Variants in DMD observed in about 807,000 individuals in gnomAD.
DMD encodes the protein dystrophin, also known as mutant dystrophin.
Under a neutral mutation model 330.1 loss-of-function variants are expected in DMD, and 63 were observed. The observed-to-expected ratio is 0.19, with a 90% confidence interval of 0.16 to 0.24. The LOEUF (loss-of-function observed/expected upper bound fraction) is 0.24. DMD is among the 10% of genes least tolerant of loss of function. The pLI is 1.00. For missense variants in DMD, 3,344 were observed against 2,684.1 expected, an observed-to-expected ratio of 1.25 and a Z score of -5.43; for synonymous variants, 1,223 against 959.8, an observed-to-expected ratio of 1.27 and a Z score of -5.07.
chrX:33,010,020 A>G lies in DMD; in HGVS notation c.93+10119T>C, dbSNP rs200874596. ...CACGTATGTATGTGTATATACACAT[A>G]TGTGTGTACATGTGTATATACACAT... On this transcript the variant is annotated intron_variant, in intron 2 of 78. Coordinates refer to ENST00000357033, the MANE Select transcript of DMD (RefSeq NM_004006.3). Among the ~76,000 whole-genome samples the G allele has an allele frequency of 6.2e-4, 32 of 51,313 alleles. 5 individuals carry two copies. Among genetic ancestry groups the G allele is most frequent in the African/African-American group, 3.2e-3 (28 of 8,860 alleles). 44.6% of individuals were successfully genotyped at this position (51,313 alleles called of 115,157 possible).
chrX:32,914,638 C>T (rs959691765), intron 2 of DMD, among the ~76,000 whole-genome samples: 1 of 112,005 alleles, frequency 8.9e-6, no homozygotes, highest in East Asian at 2.8e-4. Context: ...ACACAATAAA[C>T]GAAAAATCTT....
intron 17 of DMD, among the ~76,000 whole-genome samples, chrX:32,540,087 CT>C (rs886228035): frequency 2.7e-5 from 3 of 111,568 alleles, no homozygotes; most frequent in African/African-American, 9.8e-5. Context: ...TAAATTAAAG[CT>C]TTTTTTAAAA....
chrX:31,690,043 C>T, intron 52 of DMD, among the ~76,000 whole-genome samples: 1 of 111,926 alleles, frequency 8.9e-6, no homozygotes, highest in Middle Eastern at 4.6e-3. Flanking sequence ...CAATACCATT[C>T]AGGACGTAGG....
intron 30 of DMD, among the ~76,000 whole-genome samples, chrX:32,397,697 C>T (rs1223581182): frequency 6.3e-5 from 7 of 111,360 alleles, no homozygotes; most frequent in African/African-American, 2.0e-4. Flanking sequence ...ACATTAATCA[C>T]ATTTTAAATA....
At chrX:33,013,813 ATATG>A (rs1284064735) in intron 2 of DMD, among the ~76,000 whole-genome samples, 1 of 85,969 alleles carries the variant, frequency 1.2e-5, no homozygotes, top group Non-Finnish European at 2.5e-5. Flanking sequence ...GGGTGTGTGT[ATATG>A]TATGTGTGTG....
At chrX:32,988,726 T>C (rs1206297547) in intron 2 of DMD, among the ~76,000 whole-genome samples, 1 of 112,158 alleles carries the variant, frequency 8.9e-6, no homozygotes. Flanking sequence ...CATTAAGAAT[T>C]TTAATCAATT....
chrX:31,934,581 A>G (rs1482737957), intron 45 of DMD, among the ~76,000 whole-genome samples: 1 of 111,745 alleles, frequency 8.9e-6, no homozygotes, highest in Non-Finnish European at 1.9e-5. Context: ...CATTCCTGGG[A>G]CACTGGGAGC....
At chrX:31,546,830 T>C (rs1230683482) in intron 55 of DMD, among the ~76,000 whole-genome samples, 1 of 112,278 alleles carries the variant, frequency 8.9e-6, no homozygotes, top group African/African-American at 3.2e-5. Flanking sequence ...CTGGTCTTAT[T>C]AATCTTCATA....
At chrX:32,374,491 G>T (rs2097893412) in intron 34 of DMD, among the ~76,000 whole-genome samples, 2 of 111,369 alleles carry the variant, frequency 1.8e-5, no homozygotes, top group South Asian at 3.7e-4. Context: ...TATGGTGAAA[G>T]GTAGGGGTCC....
intron 47 of DMD, 114 bp downstream of exon 47, chrX:31,929,479 AAAC>A (rs1318292372): frequency 1.1e-6 from 1 of 915,953 alleles, no homozygotes; most frequent in African/African-American, 1.9e-5. Context: ...AAACAAAACA[AAAC>A]AACAATCCAC....
intron 51 of DMD, among the ~76,000 whole-genome samples, chrX:31,737,165 C>T (rs190451929): frequency 9.0e-5 from 10 of 111,552 alleles, no homozygotes; most frequent in African/African-American, 3.2e-4. Context: ...AGTGGCAGAA[C>T]TTCTAACATA....
intron 52 of DMD, among the ~76,000 whole-genome samples, chrX:31,707,440 C>T (rs1033120706): frequency 9.1e-6 from 1 of 110,169 alleles, no homozygotes; most frequent in African/African-American, 3.3e-5. Context: ...GACATAAATA[C>T]GGGAACAATA....
intron 44 of DMD, chrX:32,206,429 G>A (rs1345473956): frequency 2.3e-5 from 12 of 510,770 alleles, no homozygotes; most frequent in South Asian, 9.1e-5. Context: ...AAGAAAAAGC[G>A]CCAGTGAAGA....
chrX:32,505,038 C>G (rs1469858611), intron 18 of DMD, among the ~76,000 whole-genome samples: 3 of 111,762 alleles, frequency 2.7e-5, no homozygotes, highest in African/African-American at 9.8e-5. Context: ...ATCACAGACT[C>G]TAGAGTAAAA....
intron 61 of DMD, among the ~76,000 whole-genome samples, chrX:31,338,309 C>CAAAA (rs752828727): frequency 2.6e-4 from 14 of 53,394 alleles, no homozygotes; most frequent in African/African-American, 8.2e-4. Context: ...AGTAAAAATA[C>CAAAA]AAAAAAAAAA....
chrX:33,092,217 A>T (rs1034809812), intron 1 of DMD, among the ~76,000 whole-genome samples: 1 of 111,871 alleles, frequency 8.9e-6, no homozygotes, highest in Non-Finnish European at 1.9e-5. Flanking sequence ...TCTCCTAAAG[A>T]AATGTTCCAC....
At chrX:32,511,991 T>G (rs1371450262) in intron 18 of DMD, among the ~76,000 whole-genome samples, 1 of 111,766 alleles carries the variant, frequency 8.9e-6, no homozygotes, top group Non-Finnish European at 1.9e-5. Context: ...GTATCAGAAA[T>G]GAGTGATTAT....
chrX:31,510,883 A>G (rs918714993), intron 55 of DMD, among the ~76,000 whole-genome samples: 1 of 111,422 alleles, frequency 9.0e-6, no homozygotes, highest in Non-Finnish European at 1.9e-5. Context: ...TTCACACTGA[A>G]AAGGTCTCCT....
intron 29 of DMD, 196 bp from the exon 30 acceptor site, chrX:32,412,109 A>C (rs2098144891): frequency 8.6e-7 from 1 of 1,164,238 alleles, no homozygotes; most frequent in Non-Finnish European, 1.2e-6. Context: ...AATAGCAAAC[A>C]AAACTATAGG....
Sources: gnomAD v4.1 joint callset for allele counts (sites outside exome capture counted in the v4.1 genomes callset) on GRCh38, gnomAD v4.1.1 for gene constraint, MANE v1.5 for transcripts, NCBI Gene and HGNC (gene_info 2026-07-23, HGNC 2026-07-21) for gene names.